Variants in WDPCP observed in about 807,000 individuals in gnomAD.
The protein encoded by WDPCP is WD repeat containing planar cell polarity effector.
WDPCP carries 71 observed loss-of-function variants against 93.1 expected under a neutral mutation model. That is an observed-to-expected ratio of 0.76 (90% CI 0.63 to 0.93). WDPCP has a LOEUF of 0.93. WDPCP is among the 40% of genes least tolerant of loss of function. The probability of loss-of-function intolerance (pLI) is 0.00; values close to 1 mark genes in which losing one functional copy is unlikely to be tolerated. For missense variants in WDPCP, 844 were observed against 887.4 expected (o/e 0.95, Z 0.62); for synonymous variants, 315 against 315.0 (o/e 1.00, Z 0.00).
intron 2 of WDPCP, among the ~76,000 whole-genome samples, chr2:63,739,296 C>T (rs892619886): frequency 6.6e-5 from 10 of 152,110 alleles, no homozygotes; most frequent in Non-Finnish European, 1.2e-4. Flanking sequence ...TCTGTTCCTG[C>T]GTTAGTTTGC....
intron 1 of WDPCP, chr2:63,571,729 C>A: frequency 2.3e-6 from 1 of 428,074 alleles, no homozygotes; most frequent in Admixed American, 2.7e-5. Context: ...TTCTTGGACA[C>A]AAGACCATCA....
Position 63,404,559 on chromosome 2 carries a change from T to C in WDPCP, c.924A>G (p.Val308=), listed in dbSNP as rs201844706. ...AGCTGTCAGCCATGGGCTCTTTGTC[T>C]ACACTTACGGAGTGCTCCACTGTGA... ...QVFTVEHSVS[V]DKEPMADSCI... The change falls in exon 10 of 18, where the codon GTA becomes GTG. Residue 308 remains valine (V), a synonymous_variant. Coordinates refer to ENST00000272321, the MANE Select transcript of WDPCP (RefSeq NM_015910.7). 420 of 1,613,822 alleles carry C rather than the reference T, an allele frequency of 2.6e-4. 3 individuals carry two copies. The South Asian group carries it at 4.4e-3, about 17-fold the overall frequency.
At chr2:63,528,882 T>C (rs1391712740) in intron 1 of WDPCP, among the ~76,000 whole-genome samples, 3 of 152,192 alleles carry the variant, frequency 2.0e-5, no homozygotes, top group Non-Finnish European at 2.9e-5. Flanking sequence ...TGTCTTCTTT[T>C]ATTTCATTGA....
chr2:63,718,216 A>G (rs1205200552), intron 2 of WDPCP, among the ~76,000 whole-genome samples: 1 of 152,194 alleles, frequency 6.6e-6, no homozygotes, highest in Non-Finnish European at 1.5e-5. Flanking sequence ...TGCAATAAAC[A>G]TAAGGGTGCA....
At chr2:63,278,172 C>T (rs1559275410) in intron 13 of WDPCP, among the ~76,000 whole-genome samples, 1 of 152,074 alleles carries the variant, frequency 6.6e-6, no homozygotes, top group Non-Finnish European at 1.5e-5. Context: ...TTTAGGTTAA[C>T]AATGAAATCA....
At chr2:63,822,836 G>C (rs1240158253) in intron 1 of WDPCP, among the ~76,000 whole-genome samples, 1 of 151,662 alleles carries the variant, frequency 6.6e-6, no homozygotes, top group Non-Finnish European at 1.5e-5. Context: ...GGGCAACAGA[G>C]TGAGACCTTG....
chr2:63,322,664 G>A (rs772665117), intron 12 of WDPCP, among the ~76,000 whole-genome samples: 7 of 151,952 alleles, frequency 4.6e-5, no homozygotes, highest in East Asian at 1.9e-4. Context: ...AACAAACTCT[G>A]GACACACCAT....
At chr2:63,653,928 A>G (rs1015995538) in intron 2 of WDPCP, among the ~76,000 whole-genome samples, 3 of 141,210 alleles carry the variant, frequency 2.1e-5, no homozygotes, top group African/African-American at 7.8e-5. Flanking sequence ...AAAAAAAATT[A>G]CTAGACATGC....
chr2:63,295,097 C>T (rs1173557182), intron 13 of WDPCP, among the ~76,000 whole-genome samples: 1 of 151,990 alleles, frequency 6.6e-6, no homozygotes, highest in Admixed American at 6.6e-5. Context: ...AGCCTTATAA[C>T]TTTAGGATAT....
At chr2:63,495,575 T>A (rs962687505) in intron 1 of WDPCP, among the ~76,000 whole-genome samples, 2 of 152,226 alleles carry the variant, frequency 1.3e-5, no homozygotes, top group Non-Finnish European at 2.9e-5. Context: ...ATGTGTGCAT[T>A]CTAGAATCTG....
rs1490194772 is a variant in WDPCP at position 63,702,112 on chromosome 2, G to A, written n.309-51274C>T. On this transcript the variant is annotated intron_variant and non_coding_transcript_variant, in intron 2 of 4. Transcript: ENST00000467687. ...ACGATCTCTGCTCCCTGCAACCTCC[G>A]CCTCCTAGGTTCAAGCGATTCTCCT... Among the ~76,000 whole-genome samples the A allele has an allele frequency of 5.3e-5, 8 of 152,016 alleles. No individual in the cohort carries two copies. The East Asian group carries it at 5.8e-4, about 11-fold the overall frequency.
At chr2:63,806,508 T>C (rs1034469937) in intron 2 of WDPCP, among the ~76,000 whole-genome samples, 2 of 152,214 alleles carry the variant, frequency 1.3e-5, no homozygotes, top group African/African-American at 2.4e-5. Flanking sequence ...CCATTGTCAT[T>C]GATAACATCT....
intron 2 of WDPCP, among the ~76,000 whole-genome samples, chr2:63,652,879 G>C (rs1443879130): frequency 1.3e-5 from 2 of 152,140 alleles, no homozygotes; most frequent in South Asian, 2.1e-4. Flanking sequence ...AAGTAAGACT[G>C]TGGCCCTTAA....
At chr2:63,198,078 C>T (rs1462218917) in intron 14 of WDPCP, among the ~76,000 whole-genome samples, 3 of 152,002 alleles carry the variant, frequency 2.0e-5, no homozygotes, top group Admixed American at 1.3e-4. Flanking sequence ...TATATGGTTT[C>T]GTTTGTTTAC....
chr2:63,703,478 A>G (rs1361492860), intron 2 of WDPCP, among the ~76,000 whole-genome samples: 3 of 152,288 alleles, frequency 2.0e-5, no homozygotes, highest in East Asian at 1.9e-4. Context: ...GCCAGTGATC[A>G]TGAGCATTTT....
rs188444570 is a variant in WDPCP, at chr2:63,489,801, T to C, written c.161-2307A>G. Among the ~76,000 whole-genome samples the C allele has an allele frequency of 2.6e-5, 4 of 152,182 alleles. No individual in the cohort carries two copies. The East Asian group carries it at 7.7e-4, about 29-fold the overall frequency. On this transcript the variant is annotated intron_variant, in intron 2 of 17. Coordinates refer to ENST00000272321, the MANE Select transcript of WDPCP (RefSeq NM_015910.7). Reference sequence around the variant, plus strand: ...AAAATAAATTGATCATATATAATAATATATTTAAAGCATGAGGAACAGGAT... The same window carrying C: ...AAAATAAATTGATCATATATAATAACATATTTAAAGCATGAGGAACAGGAT...
chr2:63,506,808 T>C (rs2106050191), intron 1 of WDPCP, among the ~76,000 whole-genome samples: 1 of 152,200 alleles, frequency 6.6e-6, no homozygotes, highest in East Asian at 1.9e-4. Context: ...TGAGAGGTTA[T>C]ATCAGAGCAT....
chr2:63,139,122 C>T (rs1178839156), intron 17 of WDPCP, among the ~76,000 whole-genome samples: 2 of 150,958 alleles, frequency 1.3e-5, no homozygotes, highest in Non-Finnish European at 1.5e-5. Flanking sequence ...CACATATATA[C>T]ACATATATAC....
chr2:63,584,966 T>C (rs1307500825), intron 1 of WDPCP, among the ~76,000 whole-genome samples: 1 of 152,176 alleles, frequency 6.6e-6, no homozygotes, highest in Non-Finnish European at 1.5e-5. Flanking sequence ...TCCTAGCAAA[T>C]TATTCCACTC....
Sources: gnomAD v4.1 joint callset for allele counts (sites outside exome capture counted in the v4.1 genomes callset) on GRCh38, gnomAD v4.1.1 for gene constraint, MANE v1.5 for transcripts, NCBI Gene and HGNC (gene_info 2026-07-23, HGNC 2026-07-21) for gene names.